Variants in MYO5B observed in about 807,000 individuals in gnomAD.
MYO5B encodes the protein myosin VB.
In MYO5B, 143 loss-of-function variants were observed where a neutral mutation model predicts 229.3. The ratio of observed to expected loss-of-function variants is 0.62; its 90% CI spans 0.54 to 0.72. The LOEUF is 0.72. Ranked by LOEUF, MYO5B falls within the 30% of genes least tolerant of loss-of-function variation. MYO5B has a pLI of 0.00. For synonymous variants in MYO5B, 918 were observed against 885.2 expected (o/e 1.04, Z -0.66); for missense variants, 2,321 against 2,331.0 (o/e 1.00, Z 0.09).
intron 29 of MYO5B, among the ~76,000 whole-genome samples, chr18:49,858,835 C>G (rs1356551454): frequency 6.6e-6 from 1 of 152,186 alleles, no homozygotes; most frequent in Non-Finnish European, 1.5e-5. Context: ...TTGCTTCAGC[C>G]GTTGGTTCCC....
chr18:49,875,850 A>G, intron 25 of MYO5B, 23 bp from the exon 26 acceptor site: 3 of 1,613,666 alleles, frequency 1.9e-6, no homozygotes, highest in Non-Finnish European at 2.5e-6. Context: ...ACAGGCACAG[A>G]AAAAAGGTTT....
At chr18:49,979,819 A>G (rs917407832) in intron 9 of MYO5B, among the ~76,000 whole-genome samples, 1 of 152,186 alleles carries the variant, frequency 6.6e-6, no homozygotes. Flanking sequence ...AGGCACAGCA[A>G]TTGCTGTGGG....
In MYO5B at chr18:49,826,412, T is replaced by G. The variant is rs2071617230; in HGVS notation, c.*59A>C. The G allele has an allele frequency of 6.9e-6, 11 of 1,589,612 alleles. 1 individual carries two copies. In the Middle Eastern group the frequency reaches 8.3e-4, roughly 120 times the overall value. On this transcript the variant is annotated 3_prime_UTR_variant, in exon 40 of 40. Transcript: ENST00000285039. ...TAACAGATCCTTGAATTTACTTTAC[T>G]GTATATACTTCCTTCTTGCTCACAT...
chr18:50,055,419 G>T, intron 1 of MYO5B, 41 bp from the exon 2 acceptor site: 1 of 1,535,874 alleles, frequency 6.5e-7, no homozygotes, highest in Non-Finnish European at 9.0e-7. Flanking sequence ...ACAGAACAAA[G>T]CTCTCAGATT....
At chr18:49,974,696 C>T (rs567104371) in intron 9 of MYO5B, 81 bp from the exon 10 acceptor site, 1 of 1,533,098 alleles carries the variant, frequency 6.5e-7, no homozygotes, top group East Asian at 2.3e-5. Context: ...CCCTCCTGCC[C>T]AGAGGGAAAA....
intron 9 of MYO5B, among the ~76,000 whole-genome samples, chr18:49,977,328 C>A (rs2025762425): frequency 6.6e-6 from 1 of 152,122 alleles, no homozygotes; most frequent in Admixed American, 6.5e-5. Context: ...AAATTGAATG[C>A]TGTTGCATCT....
chr18:50,104,005 A>C (rs1382544660), intron 1 of MYO5B, among the ~76,000 whole-genome samples: 14 of 150,522 alleles, frequency 9.3e-5, no homozygotes, highest in Non-Finnish European at 1.8e-4. Flanking sequence ...CCATTAAAAA[A>C]AAAAAAAAAA....
In MYO5B at chr18:49,962,958, C is replaced by T. The variant is rs1258266042; in HGVS notation, c.1395G>A (p.Gln465=). ...INYANEKLQQ[Q]FNSHVFKLEQ... ...TAGAAACCAAGCCTACCGAGTTGAA[C>T]TGCTGCTGGAGCTTTTCATTTGCAT... is the stretch of plus-strand genomic sequence containing the variant. Residue 465 remains glutamine, a synonymous_variant, in exon 11 of 40, where the codon CAG becomes CAA. Transcript: ENST00000285039. The T allele has an allele frequency of 1.2e-6, 2 of 1,614,056 alleles. No homozygotes were observed. Among genetic ancestry groups the T allele is most frequent in the Non-Finnish European group, 1.7e-6 (2 of 1,179,916 alleles).
chr18:50,008,731 T>C (rs2026130021), intron 4 of MYO5B, among the ~76,000 whole-genome samples: 1 of 152,116 alleles, frequency 6.6e-6, no homozygotes, highest in African/African-American at 2.4e-5. Flanking sequence ...ACATCCCATC[T>C]CCAAACCGGT....
At chr18:49,925,482 G>A (rs2025119267) in intron 17 of MYO5B, among the ~76,000 whole-genome samples, 1 of 152,224 alleles carries the variant, frequency 6.6e-6, no homozygotes, top group Admixed American at 6.5e-5. Context: ...TGGGCCAATG[G>A]TCATTCATAT....
At chr18:50,106,843 T>C (rs1354298071) in intron 1 of MYO5B, among the ~76,000 whole-genome samples, 1 of 152,234 alleles carries the variant, frequency 6.6e-6, no homozygotes, top group Non-Finnish European at 1.5e-5. Context: ...GGCTTGCCGA[T>C]AGATAATTTG....
intron 15 of MYO5B, 55 bp downstream of exon 15, chr18:49,937,188 CAG>C (rs2144212286): frequency 1.2e-6 from 2 of 1,601,802 alleles, no homozygotes; most frequent in Non-Finnish European, 1.7e-6. Flanking sequence ...CCTTCATCTA[CAG>C]AGAGGCCAGC....
At chr18:49,924,632 T>G (rs2025109882) in intron 17 of MYO5B, among the ~76,000 whole-genome samples, 1 of 152,182 alleles carries the variant, frequency 6.6e-6, no homozygotes, top group Non-Finnish European at 1.5e-5. Context: ...GCTTCACCCC[T>G]TCCTCCTCTG....
At chr18:50,017,232 C>T (rs2026225397) in intron 4 of MYO5B, among the ~76,000 whole-genome samples, 1 of 152,204 alleles carries the variant, frequency 6.6e-6, no homozygotes, top group South Asian at 2.1e-4. Flanking sequence ...ATTCTCCCGC[C>T]TCAGCCTCCC....
chr18:50,084,566 C>A (rs1054727049), intron 1 of MYO5B, among the ~76,000 whole-genome samples: 7 of 152,228 alleles, frequency 4.6e-5, no homozygotes, highest in Middle Eastern at 3.4e-3. Flanking sequence ...ATGGTAGTGA[C>A]AACAATTTGT....
In MYO5B at chr18:49,894,973, C is replaced by G; in HGVS notation, c.3013G>C (p.Ala1005Pro). The G allele has an allele frequency of 1.2e-6, 2 of 1,613,434 alleles. No individual in the cohort carries two copies. Among genetic ancestry groups the G allele is most frequent in the South Asian group, 1.1e-5 (1 of 91,080 alleles). Residue 1005 changes from alanine (A) to proline (P), a missense_variant, in exon 22 of 40, where the codon GCC (alanine) becomes CCC (proline). Coordinates refer to ENST00000285039, the MANE Select transcript of MYO5B (RefSeq NM_001080467.3). ...AGCTCATCTTTCTCCCTGCTGTGGG[C>G]GTCCTCCAAGATCTTGCGCTCCGAG... is the stretch of plus-strand genomic sequence containing the variant. ...AHSERKILED[A>P]HSREKDELRK...
rs539700423 is a variant in MYO5B, at chr18:50,146,477, C to A, written c.27+48290G>T. 3.4e-4 allele frequency among the ~76,000 whole-genome samples: 52 copies of A among 152,310 alleles called. 1 individual carries two copies. Among genetic ancestry groups the A allele is most frequent in the Admixed American group, 1.8e-3 (27 of 15,294 alleles). On this transcript the variant is annotated intron_variant, in intron 1 of 39. Transcript: ENST00000285039. The stretch of plus-strand genomic sequence containing the variant: ...TCAGGAGACTGGGCTTGCCTGGCAA[C>A]CCCAGTGAGGAAACCTGCACCAGAA...
chr18:49,900,938 C>T (rs2024833871), intron 21 of MYO5B, among the ~76,000 whole-genome samples: 1 of 152,222 alleles, frequency 6.6e-6, no homozygotes, highest in South Asian at 2.1e-4. Flanking sequence ...GCTGTGGGAT[C>T]AGAGCTCGGG....
intron 2 of MYO5B, among the ~76,000 whole-genome samples, chr18:50,044,256 G>C (rs2030157372): frequency 6.6e-6 from 1 of 152,092 alleles, no homozygotes; most frequent in Non-Finnish European, 1.5e-5. Flanking sequence ...TGAGAGACTT[G>C]AGAGCAGATT....
Sources: allele counts gnomAD v4.1 joint callset (sites outside exome capture counted in the v4.1 genomes callset), GRCh38; gene constraint gnomAD v4.1.1; transcripts MANE v1.5; gene names NCBI Gene and HGNC (gene_info 2026-07-23, HGNC 2026-07-21).